The following PID1 variants were observed in gnomAD, a reference collection of about 807,000 sequenced individuals.
The protein encoded by PID1 is phosphotyrosine interaction domain containing 1.
A neutral mutation model predicts 19.1 loss-of-function variants in PID1; 10 were observed. The ratio of observed to expected loss-of-function variants is 0.52; its 90% CI spans 0.32 to 0.89. The LOEUF (loss-of-function observed/expected upper bound fraction) is 0.89. Among genes scored for constraint, PID1 ranks in the 40% least tolerant of loss-of-function variants. The pLI, the probability that PID1 is intolerant of heterozygous loss-of-function variation, is 0.03. For synonymous variants in PID1, 130 were observed against 116.0 expected (o/e 1.12, Z -0.78); for missense variants, 248 against 285.3 (o/e 0.87, Z 0.94).
At chr2:229,263,061 A>G (rs1251763031) in intron 1 of PID1, among the ~76,000 whole-genome samples, 2 of 152,228 alleles carry the variant, frequency 1.3e-5, no homozygotes, top group African/African-American at 4.8e-5. Context: ...TCAACCTTCA[A>G]CAATGAATAA....
At position 229,249,121 on chromosome 2, in the gene PID1, T is replaced by C. The variant is rs1574757349; in HGVS notation, c.30+21893A>G. Among the ~76,000 whole-genome samples the C allele has an allele frequency of 4.6e-5, 7 of 152,354 alleles. 3 individuals carry two copies. The highest frequency in any genetic ancestry group is 4.6e-4 in the Admixed American group (7 of 15,300). ...AATAGCTCCAACTATTGCCATCTCT[T>C]GCATTCCTGAAATTAAATATAACAA... is the stretch of plus-strand genomic sequence containing the variant. On this transcript the variant is annotated intron_variant, in intron 1 of 2. Transcript: ENST00000392055.
chr2:229,132,853 T>A (rs1356651499), intron 2 of PID1, among the ~76,000 whole-genome samples: 3 of 152,242 alleles, frequency 2.0e-5, no homozygotes, highest in Non-Finnish European at 4.4e-5. Context: ...TTTTTTTAAA[T>A]ACTTAGGCGA....
chr2:229,100,059 A>AC (rs1436638830), intron 2 of PID1, among the ~76,000 whole-genome samples: 2 of 152,052 alleles, frequency 1.3e-5, no homozygotes, highest in Non-Finnish European at 2.9e-5. Context: ...TCCTTCTCTG[A>AC]CCTCCAACAT....
intron 2 of PID1, among the ~76,000 whole-genome samples, chr2:229,028,355 C>G (rs1201075641): frequency 6.6e-6 from 1 of 152,012 alleles, no homozygotes; most frequent in Non-Finnish European, 1.5e-5. Flanking sequence ...TAAATTGAGC[C>G]ATCAGAAAGC....
At chr2:229,214,983 T>C (rs1268657534) in intron 1 of PID1, among the ~76,000 whole-genome samples, 1 of 152,158 alleles carries the variant, frequency 6.6e-6, no homozygotes, top group Admixed American at 6.5e-5. Flanking sequence ...CCTTTCTCTC[T>C]CTCTCCTTTC....
chr2:229,114,423 C>T (rs1351019059), intron 2 of PID1, among the ~76,000 whole-genome samples: 3 of 152,088 alleles, frequency 2.0e-5, no homozygotes, highest in Non-Finnish European at 4.4e-5. Flanking sequence ...ACTCCCCATC[C>T]TAAACCTTGC....
At chr2:229,138,764 C>T (rs1447593354) in intron 2 of PID1, among the ~76,000 whole-genome samples, 2 of 151,314 alleles carry the variant, frequency 1.3e-5, no homozygotes, top group African/African-American at 4.9e-5. Context: ...CTTCCTGGAC[C>T]GAAATGATTT....
intron 1 of PID1, among the ~76,000 whole-genome samples, chr2:229,230,886 T>C (rs1692191320): frequency 6.6e-6 from 1 of 152,188 alleles, no homozygotes. Context: ...ATAGAAAATA[T>C]ATTACTCATT....
chr2:229,206,038 T>A (rs991813425), intron 1 of PID1, among the ~76,000 whole-genome samples: 2 of 152,142 alleles, frequency 1.3e-5, no homozygotes, highest in African/African-American at 4.8e-5. Flanking sequence ...AATTACTGTC[T>A]CATTATCTGG....
intron 1 of PID1, among the ~76,000 whole-genome samples, chr2:229,182,560 C>A (rs62190431): frequency 0.097 from 14,821 of 152,116 alleles, 938 homozygotes; most frequent in South Asian, 0.25. Flanking sequence ...CTGAAGGCCA[C>A]GGATTCCCAC....
intron 1 of PID1, among the ~76,000 whole-genome samples, chr2:229,208,010 A>G (rs1691645841): frequency 1.3e-5 from 2 of 152,170 alleles, no homozygotes; most frequent in Non-Finnish European, 2.9e-5. Context: ...CAACTCAAGC[A>G]ATAACTGGAT....
intron 2 of PID1, among the ~76,000 whole-genome samples, chr2:229,142,539 C>A (rs923874206): frequency 3.9e-5 from 6 of 152,116 alleles, no homozygotes; most frequent in African/African-American, 7.2e-5. Context: ...CTCTACATAC[C>A]TAAGCTACAT....
At chr2:229,188,510 G>C (rs1691182621) in intron 1 of PID1, among the ~76,000 whole-genome samples, 2 of 152,056 alleles carry the variant, frequency 1.3e-5, no homozygotes, top group Admixed American at 1.3e-4. Flanking sequence ...GGCTGAGGCG[G>C]GTGGATCACC....
At chr2:229,210,044 T>G (rs983711862) in intron 1 of PID1, among the ~76,000 whole-genome samples, 1 of 151,964 alleles carries the variant, frequency 6.6e-6, no homozygotes, top group African/African-American at 2.4e-5. Context: ...TTACTTTTTA[T>G]AAAGCCCGCT....
intron 2 of PID1, among the ~76,000 whole-genome samples, chr2:229,152,206 T>C (rs1690270569): frequency 2.0e-5 from 3 of 152,194 alleles, no homozygotes; most frequent in African/African-American, 4.8e-5. Flanking sequence ...TGCCTTCATG[T>C]CAATTACATG....
chr2:229,200,991 C>T lies in PID1; in HGVS notation c.31-45027G>A, dbSNP rs556109149. 1.7e-4 allele frequency among the ~76,000 whole-genome samples: 26 copies of T among 152,020 alleles called. No individual in the cohort carries two copies. The East Asian group carries it at 4.7e-3, about 27-fold the overall frequency. On this transcript the variant is annotated intron_variant, in intron 1 of 2. Coordinates refer to ENST00000392055, the MANE Select transcript of PID1 (RefSeq NM_001100818.2). ...GTTTTGCTCTCTTTCTGATATGCTTCGATACCATGAAGCCTCTCACTATGA... is the reference window on the plus strand; with the variant it reads ...GTTTTGCTCTCTTTCTGATATGCTTTGATACCATGAAGCCTCTCACTATGA...
intron 2 of PID1, among the ~76,000 whole-genome samples, chr2:229,084,980 T>C (rs1273105491): frequency 6.6e-6 from 1 of 152,178 alleles, no homozygotes; most frequent in African/African-American, 2.4e-5. Context: ...TTTAAAACTA[T>C]GTTTTCTTCT....
intron 1 of PID1, among the ~76,000 whole-genome samples, chr2:229,232,840 T>C (rs976808661): frequency 2.7e-5 from 4 of 149,736 alleles, no homozygotes; most frequent in African/African-American, 7.3e-5. Context: ...TGCATGTGTA[T>C]GTGTGTGTGT....
intron 1 of PID1, among the ~76,000 whole-genome samples, chr2:229,267,699 T>C (rs1690628247): frequency 6.6e-6 from 1 of 152,180 alleles, no homozygotes; most frequent in African/African-American, 2.4e-5. Context: ...GGACACAGTC[T>C]TGCATGGATG....
Sources: gnomAD v4.1 joint callset for allele counts (sites outside exome capture counted in the v4.1 genomes callset) on GRCh38, gnomAD v4.1.1 for gene constraint, MANE v1.5 for transcripts, NCBI Gene and HGNC (gene_info 2026-07-23, HGNC 2026-07-21) for gene names.